Variants in LRRC7 observed in about 807,000 individuals in gnomAD.
The protein encoded by LRRC7 is leucine-rich repeat-containing protein 7.
Under a neutral mutation model 175.7 loss-of-function variants are expected in LRRC7, and 23 were observed. The observed-to-expected ratio is 0.13, with a 90% CI of 0.09 to 0.19. The LOEUF (loss-of-function observed/expected upper bound fraction) is 0.19, where lower values mean the gene tolerates loss of function less well. Ranked by LOEUF, LRRC7 falls within the 10% of genes least tolerant of loss-of-function variation. LRRC7 has a pLI of 1.00. For synonymous variants in LRRC7, 685 were observed against 680.9 expected (o/e 1.01, Z -0.09); for missense variants, 1,354 against 1,904.7 (o/e 0.71, Z 5.38).
In LRRC7 at chr1:69,682,978, C is replaced by T. The variant is rs370554544; in HGVS notation, c.100+4500C>T. Among the ~76,000 whole-genome samples, 3 of 152,118 alleles carry T rather than the reference C, an allele frequency of 2.0e-5. No homozygotes were observed. The East Asian group carries it at 5.8e-4, about 29-fold the overall frequency. ...ATGCAGTATTAGTTTTTCCTATAAT[C>T]AGATGACTCACAAATTGATGTCTCT... On this transcript the variant is annotated intron_variant, in intron 2 of 26. Coordinates refer to ENST00000651989, the MANE Select transcript of LRRC7 (RefSeq NM_001370785.2).
intron 4 of LRRC7, among the ~76,000 whole-genome samples, chr1:69,819,029 A>G (rs1259528675): frequency 2.6e-5 from 4 of 152,004 alleles, no homozygotes; most frequent in African/African-American, 9.7e-5. Flanking sequence ...TCTTCTCAAA[A>G]AAAACAAATT....
In LRRC7 at chr1:70,125,811, A is replaced by AAGAG. The variant is rs1213437275; in HGVS notation, c.*3926_*3929dup. 2.2e-4 allele frequency among the ~76,000 whole-genome samples: 33 copies of AAGAG among 150,084 alleles called. No homozygotes were observed. The highest frequency in any genetic ancestry group is 6.6e-4 in the African/African-American group (27 of 40,720). On this transcript the variant is annotated 3_prime_UTR_variant, in exon 27 of 27. Coordinates refer to ENST00000651989, the MANE Select transcript of LRRC7 (RefSeq NM_001370785.2). Reference sequence around the variant, plus strand: ...CGTCTCAAAAAAAAAAAAAAAAAAAAAGAGAAGATTCAGAGGGGAGAAAAC... The same window carrying AAGAG: ...CGTCTCAAAAAAAAAAAAAAAAAAAAAGAGAGAGAAGATTCAGAGGGGAGAAAAC...
chr1:69,692,271 T>G (rs1340758), intron 2 of LRRC7, among the ~76,000 whole-genome samples: 34,244 of 152,112 alleles, frequency 0.23, 4,375 homozygotes, highest in South Asian at 0.33. Flanking sequence ...CCTCCAGTAT[T>G]TATTAACTGG....
At chr1:69,798,650 T>A (rs1236823505) in intron 4 of LRRC7, among the ~76,000 whole-genome samples, 1 of 152,198 alleles carries the variant, frequency 6.6e-6, no homozygotes, top group Non-Finnish European at 1.5e-5. Flanking sequence ...AGGGGTTTTA[T>A]TAGTAAATAA....
At chr1:69,696,683 T>G (rs1391566828) in intron 2 of LRRC7, among the ~76,000 whole-genome samples, 7 of 152,200 alleles carry the variant, frequency 4.6e-5, no homozygotes, top group Non-Finnish European at 4.4e-5. Context: ...AGATTCCTCA[T>G]GAGGCTTGGT....
At chr1:69,810,541 A>G (rs945203679) in intron 4 of LRRC7, among the ~76,000 whole-genome samples, 2 of 152,188 alleles carry the variant, frequency 1.3e-5, no homozygotes, top group African/African-American at 2.4e-5. Flanking sequence ...GGCCACAGCA[A>G]CTAAAACAGC....
At chr1:70,112,036 G>A (rs1464387618) in intron 26 of LRRC7, among the ~76,000 whole-genome samples, 2 of 152,080 alleles carry the variant, frequency 1.3e-5, no homozygotes, top group Non-Finnish European at 2.9e-5. Flanking sequence ...CATACTCTTT[G>A]TCTATGGCTG....
chr1:69,996,807 T>C (rs1303432340), intron 11 of LRRC7, among the ~76,000 whole-genome samples: 1 of 151,594 alleles, frequency 6.6e-6, no homozygotes, highest in African/African-American at 2.4e-5. Context: ...TGTAGCCTTG[T>C]AGTATAGTTT....
At chr1:69,781,940 GAGAAAAGA>G (rs771630639) in intron 3 of LRRC7, among the ~76,000 whole-genome samples, 13 of 106,572 alleles carry the variant, frequency 1.2e-4, no homozygotes, top group South Asian at 5.6e-4. Flanking sequence ...AAGAAAGAAA[GAGAAAAGA>G]AAAGAAAGAA....
rs564909311 is a variant in LRRC7 at position 69,577,620 on chromosome 1, C to G, written c.2+8979C>G. On this transcript the variant is annotated intron_variant, in intron 1 of 26. Coordinates refer to ENST00000651989, the MANE Select transcript of LRRC7 (RefSeq NM_001370785.2). ...TATGGCTAGCCAGTTTTCCCAGCAC[C>G]ATTTATTAAATAGGGAATCCTTTCC... is the stretch of plus-strand genomic sequence containing the variant. Among the ~76,000 whole-genome samples, 22 of 152,194 alleles carry G rather than the reference C, an allele frequency of 1.4e-4. No homozygotes were observed. The South Asian group carries it at 4.6e-3, about 32-fold the overall frequency.
intron 24 of LRRC7, among the ~76,000 whole-genome samples, chr1:70,081,022 T>G (rs1297538071): frequency 6.6e-6 from 1 of 152,210 alleles, no homozygotes; most frequent in African/African-American, 2.4e-5. Context: ...TAACCGCAGC[T>G]GCAGAATCTG....
At chr1:69,872,392 T>G (rs1168985961) in intron 7 of LRRC7, among the ~76,000 whole-genome samples, 1 of 152,034 alleles carries the variant, frequency 6.6e-6, no homozygotes, top group Non-Finnish European at 1.5e-5. Flanking sequence ...GAATCTGTCA[T>G]GACTTATGAT....
chr1:69,619,287 G>A (rs527336329), intron 1 of LRRC7, among the ~76,000 whole-genome samples: 7 of 152,146 alleles, frequency 4.6e-5, no homozygotes, highest in African/African-American at 1.4e-4. Flanking sequence ...CATTGGCACT[G>A]ATAATAAAAA....
chr1:70,086,217 G>T (rs1329099319), intron 24 of LRRC7, among the ~76,000 whole-genome samples: 5 of 151,954 alleles, frequency 3.3e-5, no homozygotes, highest in Admixed American at 6.6e-5. Flanking sequence ...TCAAACTCCT[G>T]GTCTCAAGTG....
intron 2 of LRRC7, among the ~76,000 whole-genome samples, chr1:69,735,890 C>T (rs1668059393): frequency 6.6e-6 from 1 of 151,918 alleles, no homozygotes; most frequent in Non-Finnish European, 1.5e-5. Flanking sequence ...TGCCTCTCTC[C>T]CCCTACCACC....
chr1:69,681,395 A>G (rs1162016117), intron 2 of LRRC7, among the ~76,000 whole-genome samples: 1 of 152,162 alleles, frequency 6.6e-6, no homozygotes, highest in Non-Finnish European at 1.5e-5. Flanking sequence ...TCATTTGGAG[A>G]TACTGTATAC....
chr1:69,579,059 CT>C (rs1646087417), intron 1 of LRRC7, among the ~76,000 whole-genome samples: 1 of 151,880 alleles, frequency 6.6e-6, no homozygotes, highest in Non-Finnish European at 1.5e-5. Context: ...AATATTATTG[CT>C]TAACAATGGA....
At chr1:69,767,586 A>G (rs1009882518) in intron 3 of LRRC7, among the ~76,000 whole-genome samples, 4 of 152,088 alleles carry the variant, frequency 2.6e-5, no homozygotes, top group African/African-American at 9.7e-5. Context: ...CCTCCTGAGT[A>G]TCTGGAACTA....
chr1:69,636,622 G>A (rs988070423), intron 1 of LRRC7, among the ~76,000 whole-genome samples: 3 of 151,832 alleles, frequency 2.0e-5, no homozygotes, highest in African/African-American at 7.3e-5. Context: ...GCTATAAAGG[G>A]AATGTTTCTT....
Sources: gnomAD v4.1 joint callset for allele counts (sites outside exome capture counted in the v4.1 genomes callset) on GRCh38, gnomAD v4.1.1 for gene constraint, MANE v1.5 for transcripts, NCBI Gene and HGNC (gene_info 2026-07-23, HGNC 2026-07-21) for gene names.